SULT1C4: variants seen among roughly 807,000 people sequenced by gnomAD.
SULT1C4 encodes the protein sulfotransferase 1C4.
A neutral mutation model predicts 34.8 loss-of-function variants in SULT1C4; 32 were observed. The ratio of observed to expected loss-of-function variants is 0.92; its 90% CI spans 0.69 to 1.23. The LOEUF is 1.23. SULT1C4 is among the 50% of genes most tolerant of loss of function. SULT1C4 has a pLI of 0.00. For synonymous variants in SULT1C4, 111 were observed against 120.5 expected (o/e 0.92, Z 0.51); for missense variants, 375 against 365.9 (o/e 1.02, Z -0.20).
At chr2:108,384,033 A>G (rs962476999) in intron 5 of SULT1C4, among the ~76,000 whole-genome samples, 3 of 150,122 alleles carry the variant, frequency 2.0e-5, no homozygotes, top group Non-Finnish European at 4.4e-5. Flanking sequence ...CATGCCAGCT[A>G]ATTATTTGTA....
intron 5 of SULT1C4, among the ~76,000 whole-genome samples, chr2:108,385,866 T>A (rs945096497): frequency 2.0e-5 from 3 of 152,234 alleles, no homozygotes; most frequent in African/African-American, 7.2e-5. Flanking sequence ...GCTTCTGAAA[T>A]GCCTTGAGCA....
intron 1 of SULT1C4, 38 bp from the exon 2 acceptor site, chr2:108,381,724 C>A (rs769796203): frequency 1.5e-5 from 21 of 1,358,954 alleles, no homozygotes; most frequent in Non-Finnish European, 2.0e-5. Flanking sequence ...ATGTACTATA[C>A]TAGATGTCTA....
intron 3 of SULT1C4, 179 bp from the exon 4 acceptor site, chr2:108,382,902 CAAAAAAAAAAAA>C (rs60764322): frequency 8.6e-4 from 70 of 81,202 alleles, no homozygotes; most frequent in South Asian, 2.3e-3. Flanking sequence ...GACTCCATCT[CAAAAAAAAAAAA>C]AAAAAAAAAA....
chr2:108,383,582 C>T, intron 5 of SULT1C4, 72 bp downstream of exon 5: 1 of 1,369,680 alleles, frequency 7.3e-7, no homozygotes, highest in African/African-American at 1.4e-5. Flanking sequence ...TTGACCCCAT[C>T]AGGGACTCAG....
rs150601086 is a variant in SULT1C4, at chr2:108,387,713, G to C, written c.*281G>C. ...TCATATTTACATTTTCTACAATCAT[G>C]TGCTTATTAACATATTGGAAATGCT... is the stretch of plus-strand genomic sequence containing the variant. On this transcript the variant is annotated 3_prime_UTR_variant, in exon 7 of 7. Transcript: ENST00000272452. 1 of 308,512 alleles carries C rather than the reference G, an allele frequency of 3.2e-6. No individual in the cohort carries two copies. The highest frequency in any genetic ancestry group is 2.2e-5 in the African/African-American group (1 of 46,028). 19.1% of individuals were successfully genotyped at this position (308,512 alleles called of 1,614,324 possible).
chr2:108,386,322 C>T lies in SULT1C4; in HGVS notation c.746C>T (p.Ser249Leu), dbSNP rs1037911381. Residue 249 changes from serine (S) to leucine (L), a missense_variant, in exon 6 of 7, where the codon TCG becomes TTG. Coordinates refer to ENST00000272452, the MANE Select transcript of SULT1C4 (RefSeq NM_006588.4). ...MKQNPMANYSSIPAEIMDHSI... is the reference protein window; with the variant it reads ...MKQNPMANYSLIPAEIMDHSI... ...CAGAATCCAATGGCAAACTATTCATCGATTCCTGCTGAAATCATGGACCAC... is the reference window on the plus strand; with the variant it reads ...CAGAATCCAATGGCAAACTATTCATTGATTCCTGCTGAAATCATGGACCAC... 4.4e-6 allele frequency: 7 copies of T among 1,574,112 alleles called. No individual in the cohort carries two copies. In the East Asian group the frequency reaches 6.9e-5, roughly 16 times the overall value.
chr2:108,383,166 T>C lies in SULT1C4; in HGVS notation c.467T>C (p.Leu156Pro), dbSNP rs769869249. ...CATTTCCAAAGAATGAATAAAGCTCTTCCTGCTCCAGGAACATGGGAAGAG... is the reference window on the plus strand; with the variant it reads ...CATTTCCAAAGAATGAATAAAGCTCCTCCTGCTCCAGGAACATGGGAAGAG... ...YYHFQRMNKA[L>P]PAPGTWEEYF... Residue 156 changes from leucine (L) to proline (P), a missense_variant, in exon 4 of 7, where the codon CTT (leucine) becomes CCT (proline). Coordinates refer to ENST00000272452, the MANE Select transcript of SULT1C4 (RefSeq NM_006588.4). 1.9e-6 allele frequency: 3 copies of C among 1,613,332 alleles called. No homozygotes were observed. Among genetic ancestry groups the C allele is most frequent in the Non-Finnish European group, 2.5e-6 (3 of 1,179,824 alleles).
rs759571841 is a variant in SULT1C4 at position 108,383,056 on chromosome 2, T to C, written c.394-37T>C. 3 of 1,533,286 alleles carry C rather than the reference T, an allele frequency of 2.0e-6. No individual in the cohort carries two copies. In the East Asian group the frequency reaches 6.9e-5, roughly 35 times the overall value. 95.0% of individuals were successfully genotyped at this position (1,533,286 alleles called of 1,614,324 possible). On this transcript the variant is annotated intron_variant, in intron 3 of 6. Coordinates refer to ENST00000272452, the MANE Select transcript of SULT1C4 (RefSeq NM_006588.4). ...AAAAAAAAAAAAAAATTCCTGTTTTTTTGCTTCTTCCCTTCCCCTCCCCTC... is the reference window on the plus strand; with the variant it reads ...AAAAAAAAAAAAAAATTCCTGTTTTCTTGCTTCTTCCCTTCCCCTCCCCTC...
At chr2:108,378,588 A>T in intron 1 of SULT1C4, 82 bp downstream of exon 1, 3 of 1,486,452 alleles carry the variant, frequency 2.0e-6, no homozygotes, top group South Asian at 2.6e-5. Context: ...TGAAATAAAG[A>T]AGTTGATCTG....
chr2:108,387,740 C>A lies in SULT1C4; in HGVS notation c.*308C>A. On this transcript the variant is annotated 3_prime_UTR_variant, in exon 7 of 7. Transcript: ENST00000272452. ...GCTTATTAACATATTGGAAATGCTT[C>A]AGTCCTCACATGATAATACACTAAC... The A allele has an allele frequency of 4.2e-6, 1 of 237,238 alleles. No individual in the cohort carries two copies. The highest frequency in any genetic ancestry group is 8.1e-6 in the Non-Finnish European group (1 of 124,012). 14.7% of individuals were successfully genotyped at this position (237,238 alleles called of 1,614,324 possible). A position where few individuals can be genotyped will look rare whatever the true frequency, so the allele number is the denominator to read the frequency against.
intron 3 of SULT1C4, 85 bp from the exon 4 acceptor site, chr2:108,383,008 C>A (rs1462090302): frequency 1.5e-6 from 2 of 1,368,634 alleles, no homozygotes; most frequent in East Asian, 2.8e-5. Context: ...CCTAACATGA[C>A]TTGCCTGGGC....
chr2:108,378,981 C>A (rs1003218124), intron 1 of SULT1C4, among the ~76,000 whole-genome samples: 1 of 152,130 alleles, frequency 6.6e-6, no homozygotes, highest in African/African-American at 2.4e-5. Flanking sequence ...CTGATTTCCA[C>A]CTTCCTTTGT....
intron 2 of SULT1C4, 22 bp from the exon 3 acceptor site, chr2:108,382,363 T>A: frequency 3.8e-6 from 6 of 1,598,784 alleles, no homozygotes; most frequent in Non-Finnish European, 5.1e-6. Context: ...TCGTAGAAAT[T>A]GATCGAAAAC....
At position 108,378,029 on chromosome 2, in the gene SULT1C4, CCT is replaced by C. The variant is rs748592912; in HGVS notation, c.-308_-307del. 4.4e-5 allele frequency: 8 copies of C among 182,430 alleles called. No homozygotes were observed. In the East Asian group the frequency reaches 7.8e-4, roughly 18 times the overall value. 11.3% of individuals were successfully genotyped at this position (182,430 alleles called of 1,614,324 possible). On this transcript the variant is annotated 5_prime_UTR_variant, in exon 1 of 7. Transcript: ENST00000272452. The stretch of plus-strand genomic sequence containing the variant: ...CGGGAGACCTGCAGCTCACTTTCTC[CCT>C]GTTTGCTGGCCAGCAGGGTTTGTGG...
In SULT1C4 at chr2:108,386,362, C is replaced by T. The variant is rs769449918; in HGVS notation, c.786C>T (p.Phe262=). Residue 262 remains phenylalanine, a synonymous_variant, in exon 6 of 7, where the codon TTC becomes TTT. Transcript: ENST00000272452. ...TCATGGACCACTCCATTTCTCCATTCATGAGAAAAGGTTTTTATAGTTTAT... is the reference window on the plus strand; with the variant it reads ...TCATGGACCACTCCATTTCTCCATTTATGAGAAAAGGTTTTTATAGTTTAT... The part of the protein sequence containing the change: ...AEIMDHSISP[F]MRKGAVGDWK... The T allele has an allele frequency of 1.3e-5, 19 of 1,480,270 alleles. No homozygotes were observed. Among genetic ancestry groups the T allele is most frequent in the Non-Finnish European group, 1.7e-5 (19 of 1,111,858 alleles). The allele number at this position is 1,480,270 out of a possible 1,614,324, so 91.7% of individuals were successfully genotyped here. A position where few individuals can be genotyped will look rare whatever the true frequency, so the allele number is the denominator to read the frequency against.
chr2:108,381,129 T>C (rs1678377163), intron 1 of SULT1C4, among the ~76,000 whole-genome samples: 1 of 152,088 alleles, frequency 6.6e-6, no homozygotes, highest in Non-Finnish European at 1.5e-5. Flanking sequence ...AGATCACAAT[T>C]TGGGGAGAAT....
chr2:108,387,602 T>C lies in SULT1C4; in HGVS notation c.*170T>C. The C allele has an allele frequency of 1.7e-6, 1 of 573,864 alleles. No homozygotes were observed. Among genetic ancestry groups the C allele is most frequent in the East Asian group, 3.1e-5 (1 of 32,586 alleles). The allele number at this position is 573,864 out of a possible 1,614,324, so 35.5% of individuals were successfully genotyped here. On this transcript the variant is annotated 3_prime_UTR_variant, in exon 7 of 7. Coordinates refer to ENST00000272452, the MANE Select transcript of SULT1C4 (RefSeq NM_006588.4). ...TTATTTTAAAAGGCTGGAGGCAAGG[T>C]GGTGACAGGCAGCAGGGTGGCGACA...
In SULT1C4 at chr2:108,385,080, G is replaced by A. The variant is rs547669314; in HGVS notation, c.616-1112G>A. ...TTTAAAATAATTGTTATAGCTCTAG[G>A]ATTCTCAGAAGCATGATCAAAGAAC... On this transcript the variant is annotated intron_variant, in intron 5 of 6. Transcript: ENST00000272452. 3.3e-5 allele frequency among the ~76,000 whole-genome samples: 5 copies of A among 152,308 alleles called. No homozygotes were observed. The South Asian group carries it at 1.0e-3, about 32-fold the overall frequency.
chr2:108,381,637 G>A (rs1173541110), intron 1 of SULT1C4, 125 bp from the exon 2 acceptor site: 1 of 1,117,722 alleles, frequency 8.9e-7, no homozygotes. Context: ...GCAAGACCCT[G>A]TCTCAAAAAA....
Sources: allele counts gnomAD v4.1 joint callset (sites outside exome capture counted in the v4.1 genomes callset), GRCh38; gene constraint gnomAD v4.1.1; transcripts MANE v1.5; gene names NCBI Gene and HGNC (gene_info 2026-07-23, HGNC 2026-07-21).